The following MYO16 variants were observed in gnomAD, a reference collection of about 807,000 sequenced individuals.
The protein encoded by MYO16 is myosin XVI.
In MYO16, 94 loss-of-function variants were observed where a neutral mutation model predicts 205.3. The observed-to-expected ratio is 0.46, with a 90% confidence interval of 0.39 to 0.54. The LOEUF is 0.54. Among genes scored for constraint, MYO16 ranks in the 20% least tolerant of loss-of-function variants. MYO16 has a pLI of 0.00. For synonymous variants in MYO16, 988 were observed against 954.0 expected, an observed-to-expected ratio of 1.04 and a Z score of -0.66; for missense variants, 2,315 against 2,387.5, an observed-to-expected ratio of 0.97 and a Z score of 0.63.
At chr13:108,710,774 A>G (rs1417513221) in intron 2 of MYO16, among the ~76,000 whole-genome samples, 1 of 152,214 alleles carries the variant, frequency 6.6e-6, no homozygotes, top group Non-Finnish European at 1.5e-5. Context: ...CTGCATAAAA[A>G]TCTGATTGCA....
In MYO16 at chr13:109,059,857, T is replaced by C. The variant is rs575556735; in HGVS notation, c.3335+4262T>C. On this transcript the variant is annotated intron_variant, in intron 27 of 34. Transcript: ENST00000457511. Reference sequence around the variant, plus strand: ...CCCATGCCTGTGTCCTGAGTGGTATTGCCTAGGTTTTCTTCTAGGGTTTTT... The same window carrying C: ...CCCATGCCTGTGTCCTGAGTGGTATCGCCTAGGTTTTCTTCTAGGGTTTTT... Among the ~76,000 whole-genome samples the C allele has an allele frequency of 5.6e-4, 85 of 152,324 alleles. 1 individual carries two copies. Among genetic ancestry groups the C allele is most frequent in the Non-Finnish European group, 9.6e-4 (65 of 68,020 alleles).
At chr13:108,815,636 C>T (rs943700187) in intron 7 of MYO16, among the ~76,000 whole-genome samples, 2 of 152,146 alleles carry the variant, frequency 1.3e-5, no homozygotes, top group South Asian at 4.1e-4. Context: ...AGACTTCTGA[C>T]CTACAGAATT....
rs1395287437 is a variant in MYO16 at position 109,162,061 on chromosome 13, C to T, written c.5165-2840C>T. On this transcript the variant is annotated intron_variant, in intron 32 of 34. Transcript: ENST00000457511. The surrounding 1 kb of genome is among the most constrained non-coding windows in gnomAD (Gnocchi z 4.6). ...TCGTGCCACTGCCCTCCAGCCTGGG[C>T]AACAGAGTGAGAGACTCTGCCTCAA... Among the ~76,000 whole-genome samples, 1 of 152,176 alleles carries T rather than the reference C, an allele frequency of 6.6e-6. No homozygotes were observed. The highest frequency in any genetic ancestry group is 1.9e-4 in the East Asian group (1 of 5,184).
At chr13:109,182,233 C>A (rs1879488179) in intron 34 of MYO16, among the ~76,000 whole-genome samples, 1 of 152,098 alleles carries the variant, frequency 6.6e-6, no homozygotes, top group African/African-American at 2.4e-5. Flanking sequence ...TCGCACCTAC[C>A]ACGATGAAAA....
At chr13:108,860,951 CAGG>C (rs1182271735) in intron 11 of MYO16, among the ~76,000 whole-genome samples, 1 of 152,144 alleles carries the variant, frequency 6.6e-6, no homozygotes, top group Non-Finnish European at 1.5e-5. Flanking sequence ...TGGAATTTAA[CAGG>C]AGTTTTCAGA....
intron 21 of MYO16, among the ~76,000 whole-genome samples, chr13:109,006,938 G>A (rs985875789): frequency 6.6e-6 from 1 of 152,140 alleles, no homozygotes; most frequent in African/African-American, 2.4e-5. Context: ...TGGGGAGGAA[G>A]CAGCCAGTGA....
chr13:109,016,431 T>G (rs9587745), intron 22 of MYO16, among the ~76,000 whole-genome samples: 2,575 of 152,322 alleles, frequency 0.017, 76 homozygotes, highest in African/African-American at 0.059. Context: ...AAGAAGAATG[T>G]GTATTCTGTT....
chr13:109,012,478 A>T (rs1885634882), intron 22 of MYO16, among the ~76,000 whole-genome samples: 1 of 152,188 alleles, frequency 6.6e-6, no homozygotes, highest in Admixed American at 6.5e-5. Flanking sequence ...ATTCTACATT[A>T]TGGTGACTGT....
intron 33 of MYO16, among the ~76,000 whole-genome samples, chr13:109,173,170 GT>G (rs572993584): frequency 1.9e-3 from 284 of 152,316 alleles, no homozygotes; most frequent in African/African-American, 6.3e-3. Flanking sequence ...CACTTACCAA[GT>G]GCACCTGTCA....
intron 31 of MYO16, among the ~76,000 whole-genome samples, chr13:109,130,286 C>A (rs1228877354): frequency 6.6e-6 from 1 of 152,194 alleles, no homozygotes; most frequent in Non-Finnish European, 1.5e-5. Flanking sequence ...CACTGTGTCG[C>A]ACCCTGGTGA....
intron 2 of MYO16, among the ~76,000 whole-genome samples, chr13:108,668,752 C>T (rs1335491773): frequency 6.6e-6 from 1 of 152,208 alleles, no homozygotes; most frequent in Non-Finnish European, 1.5e-5. Context: ...TGTGATGACA[C>T]TGGGCTCTCC....
upstream of MYO16, among the ~76,000 whole-genome samples, chr13:108,625,302 A>G (rs1453568167): frequency 6.6e-6 from 1 of 152,178 alleles, no homozygotes; most frequent in Non-Finnish European, 1.5e-5. Context: ...CTCCACAGTC[A>G]CTAGACTGAG....
At chr13:108,821,057 A>G (rs1028661723) in intron 8 of MYO16, among the ~76,000 whole-genome samples, 5 of 151,490 alleles carry the variant, frequency 3.3e-5, no homozygotes, top group African/African-American at 7.3e-5. Context: ...TTTTTGCAAT[A>G]GTAAAAAGAG....
chr13:109,112,139 C>T (rs921663056), intron 28 of MYO16, among the ~76,000 whole-genome samples: 4 of 151,928 alleles, frequency 2.6e-5, no homozygotes, highest in African/African-American at 4.8e-5. Context: ...GGAGAGTATA[C>T]GGGAAGCTAA....
the MYO16 span, among the ~76,000 whole-genome samples, chr13:108,530,308 TG>T: frequency 3.9e-5 from 6 of 152,274 alleles, no homozygotes; most frequent in East Asian, 1.2e-3. Flanking sequence ...GCATTAAGGA[TG>T]CTGAAAAAAT....
chr13:108,635,372 A>T (rs1233341234), intron 1 of MYO16, among the ~76,000 whole-genome samples: 1 of 152,162 alleles, frequency 6.6e-6, no homozygotes, highest in Non-Finnish European at 1.5e-5. Flanking sequence ...TAACTAGTCA[A>T]ATTTCTTCAT....
intron 9 of MYO16, among the ~76,000 whole-genome samples, chr13:108,836,718 C>A (rs1049586219): frequency 2.0e-5 from 3 of 152,132 alleles, no homozygotes; most frequent in African/African-American, 7.2e-5. Context: ...CGTTATGGAA[C>A]GTTAAGGTTT....
chr13:109,182,897 G>A (rs1007707632), intron 34 of MYO16, among the ~76,000 whole-genome samples: 3 of 152,138 alleles, frequency 2.0e-5, no homozygotes, highest in Admixed American at 2.0e-4. Flanking sequence ...GCAAAAGCTG[G>A]GACATTTGCT....
At chr13:109,159,759 A>G (rs1317113572) in intron 32 of MYO16, among the ~76,000 whole-genome samples, 15 of 152,252 alleles carry the variant, frequency 9.9e-5, no homozygotes, top group Non-Finnish European at 8.8e-5. Flanking sequence ...TGCAGCTGCC[A>G]TGCCCTGCTG....
Sources: gnomAD v4.1 joint callset for allele counts (sites outside exome capture counted in the v4.1 genomes callset) on GRCh38, gnomAD v4.1.1 for gene constraint, Gnocchi (gnomAD v3.1) non-coding constraint, MANE v1.5 for transcripts, NCBI Gene and HGNC (gene_info 2026-07-23, HGNC 2026-07-21) for gene names.